The following MTIF2 variants were observed in gnomAD, a reference collection of about 807,000 sequenced individuals.
The protein encoded by MTIF2 is mitochondrial translational initiation factor 2.
MTIF2 carries 71 observed loss-of-function variants against 83.5 expected under a neutral mutation model. That is an observed-to-expected ratio of 0.85 (90% CI 0.70 to 1.04). The LOEUF (loss-of-function observed/expected upper bound fraction) is 1.04. MTIF2 is among the 50% of genes least tolerant of loss of function. The probability of loss-of-function intolerance (pLI) is 0.00; values close to 1 mark genes in which losing one functional copy is unlikely to be tolerated. For synonymous variants in MTIF2, 319 were observed against 287.1 expected, an observed-to-expected ratio of 1.11 and a Z score of -1.12; for missense variants, 957 against 846.5, an observed-to-expected ratio of 1.13 and a Z score of -1.62.
chr2:55,251,100 A>C (rs1303653938), intron 8 of MTIF2, among the ~76,000 whole-genome samples: 1 of 142,996 alleles, frequency 7.0e-6, no homozygotes, highest in Non-Finnish European at 1.5e-5. Flanking sequence ...ATAAGAGCAA[A>C]ACTCCGTCTC....
intron 10 of MTIF2, among the ~76,000 whole-genome samples, chr2:55,244,982 G>T (rs1558557423): frequency 6.6e-6 from 1 of 151,002 alleles, no homozygotes; most frequent in Non-Finnish European, 1.5e-5. Flanking sequence ...GGGAGGCAGA[G>T]GTTGCAGTGA....
At chr2:55,259,645 G>A (rs1460453765) in intron 5 of MTIF2, among the ~76,000 whole-genome samples, 1 of 152,070 alleles carries the variant, frequency 6.6e-6, no homozygotes, top group Non-Finnish European at 1.5e-5. Context: ...TCTGATAATT[G>A]CTAATAATAA....
In MTIF2 at chr2:55,242,939, C is replaced by T; in HGVS notation, c.1705+1G>A. 1 of 1,605,172 alleles carries T rather than the reference C, an allele frequency of 6.2e-7. No homozygotes were observed. The highest frequency in any genetic ancestry group is 8.5e-7 in the Non-Finnish European group (1 of 1,177,044). On this transcript the variant is annotated splice_donor_variant, in intron 13 of 15. Transcript: ENST00000263629. LOFTEE classifies it high-confidence loss of function. ...TTAACAAGAAGAAATGGAATCCTTA[C>T]CATCAAATGTTTCAGCAAGGTTAAC...
chr2:55,261,088 G>A (rs1254411880), intron 5 of MTIF2, among the ~76,000 whole-genome samples: 1 of 151,624 alleles, frequency 6.6e-6, no homozygotes, highest in Non-Finnish European at 1.5e-5. Context: ...CACGGTTCAC[G>A]CCATTCTCCT....
intron 5 of MTIF2, among the ~76,000 whole-genome samples, chr2:55,260,993 T>C (rs1032664441): frequency 2.3e-5 from 3 of 129,910 alleles, no homozygotes; most frequent in East Asian, 2.0e-4. Context: ...CCAGTATTTC[T>C]TTTTTTTTTT....
chr2:55,246,526 G>T, intron 9 of MTIF2, 65 bp from the exon 10 acceptor site: 3 of 1,386,896 alleles, frequency 2.2e-6, no homozygotes, highest in Admixed American at 1.7e-5. Flanking sequence ...TAAATGCCAG[G>T]GACAGAAAGT....
intron 3 of MTIF2, among the ~76,000 whole-genome samples, chr2:55,265,819 G>A (rs78356391): frequency 0.017 from 2,637 of 152,158 alleles, 84 homozygotes; most frequent in African/African-American, 0.061. Flanking sequence ...TTCCACATTT[G>A]TGGATTCAAA....
In MTIF2 at chr2:55,267,105, A is replaced by G. The variant is rs140919180; in HGVS notation, c.-8+464T>C. On this transcript the variant is annotated intron_variant, in intron 3 of 15. Transcript: ENST00000263629. ...ATTTCAACCAATCTTCCCAAAGTGT[A>G]TTTTATGGTTCTGACATAGTAAATG... Among the ~76,000 whole-genome samples, 6 of 150,476 alleles carry G rather than the reference A, an allele frequency of 4.0e-5. No individual in the cohort carries two copies. In the East Asian group the frequency reaches 1.2e-3, roughly 30 times the overall value.
chr2:55,254,017 T>C (rs1677315971), intron 7 of MTIF2, 24 bp downstream of exon 7: 2 of 1,612,096 alleles, frequency 1.2e-6, no homozygotes, highest in Non-Finnish European at 1.7e-6. Flanking sequence ...CCCAAGCACA[T>C]TGTAAGGTAA....
chr2:55,237,281 T>A lies in MTIF2; in HGVS notation c.2011+7A>T. The A allele has an allele frequency of 6.2e-7, 1 of 1,609,982 alleles. No homozygotes were observed. Among genetic ancestry groups the A allele is most frequent in the South Asian group, 1.1e-5 (1 of 90,430 alleles). ...ATGCTATTATAGGAGATTTTGATGT[T>A]GCTTACCCTTCCAAATTACATGTCC... On this transcript the variant is annotated splice_region_variant and intron_variant, in intron 15 of 15. Coordinates refer to ENST00000263629, the MANE Select transcript of MTIF2 (RefSeq NM_002453.3).
chr2:55,262,718 T>A (rs1185695115), intron 4 of MTIF2, among the ~76,000 whole-genome samples: 2 of 57,784 alleles, frequency 3.5e-5, no homozygotes, highest in South Asian at 1.0e-3. Context: ...AATTTTTGTA[T>A]TTTTTTTTTT....
At chr2:55,264,971 GGT>G (rs1201623337) in intron 3 of MTIF2, among the ~76,000 whole-genome samples, 3 of 152,078 alleles carry the variant, frequency 2.0e-5, no homozygotes, top group Admixed American at 2.0e-4. Context: ...AGCTGGGTGT[GGT>G]GGCTCATGCC....
chr2:55,268,078 C>A (rs1678569147), intron 2 of MTIF2, among the ~76,000 whole-genome samples: 1 of 151,962 alleles, frequency 6.6e-6, no homozygotes, highest in African/African-American at 2.4e-5. Context: ...CATGGTGAAA[C>A]CCCCTCTCTA....
At chr2:55,262,633 A>G (rs1678109842) in intron 4 of MTIF2, among the ~76,000 whole-genome samples, 1 of 135,208 alleles carries the variant, frequency 7.4e-6, no homozygotes, top group African/African-American at 2.8e-5. Flanking sequence ...ATCTCTGCCT[A>G]CTGGGTTCAA....
intron 11 of MTIF2, 59 bp downstream of exon 11, chr2:55,243,970 A>C: frequency 7.3e-7 from 1 of 1,361,056 alleles, no homozygotes; most frequent in African/African-American, 1.5e-5. Flanking sequence ...ATAACATTGT[A>C]AACTGGCATT....
In MTIF2 at chr2:55,267,646, T is replaced by A; in HGVS notation, c.-74-11A>T. On this transcript the variant is annotated splice_polypyrimidine_tract_variant and intron_variant, in intron 2 of 15. Transcript: ENST00000263629. ...TCATTTTCCGGATCTCTGTTAAAAATAAATAAATAAATAAGTGTTTGAATA... is the reference window on the plus strand; with the variant it reads ...TCATTTTCCGGATCTCTGTTAAAAAAAAATAAATAAATAAGTGTTTGAATA... 1 of 162,502 alleles carries A rather than the reference T, an allele frequency of 6.2e-6. No individual in the cohort carries two copies. 10.1% of individuals were successfully genotyped at this position (162,502 alleles called of 1,614,324 possible). A position where few individuals can be genotyped will look rare whatever the true frequency, so the allele number is the denominator to read the frequency against.
chr2:55,240,436 C>T (rs753183606), intron 13 of MTIF2, among the ~76,000 whole-genome samples: 5 of 152,030 alleles, frequency 3.3e-5, no homozygotes, highest in Non-Finnish European at 5.9e-5. Flanking sequence ...CAAAATTAGC[C>T]GGGCGTGGTG....
chr2:55,236,823 TAAA>T lies in MTIF2; in HGVS notation c.2012-6_2012-4del. On this transcript the variant is annotated splice_polypyrimidine_tract_variant and splice_region_variant and intron_variant, in intron 15 of 15. Transcript: ENST00000263629. Reference sequence around the variant, plus strand: ...GTGTTTCAATGAGGTTAATGAGCCTTAAAAAAGATAATTTAAGGTTAGTATATT... The same window carrying T: ...GTGTTTCAATGAGGTTAATGAGCCTTAAAGATAATTTAAGGTTAGTATATT... 3 of 1,572,124 alleles carry T rather than the reference TAAA, an allele frequency of 1.9e-6. No homozygotes were observed. The highest frequency in any genetic ancestry group is 2.4e-5 in the South Asian group (2 of 83,856).
intron 3 of MTIF2, among the ~76,000 whole-genome samples, chr2:55,264,832 T>A (rs1678308429): frequency 6.6e-6 from 1 of 152,154 alleles, no homozygotes; most frequent in Non-Finnish European, 1.5e-5. Flanking sequence ...CAGAACTCAT[T>A]AGTAATATAG....
Sources: allele counts gnomAD v4.1 joint callset (sites outside exome capture counted in the v4.1 genomes callset), GRCh38; gene constraint gnomAD v4.1.1; transcripts MANE v1.5; gene names NCBI Gene and HGNC (gene_info 2026-07-23, HGNC 2026-07-21).